C16orf89: variants seen among roughly 807,000 people sequenced by gnomAD.
The protein encoded by C16orf89 is chromosome 16 open reading frame 89.
In C16orf89, 57 loss-of-function variants were observed where a neutral mutation model predicts 41.5. That is an observed-to-expected ratio of 1.38 (90% confidence interval 1.11 to 1.71). The LOEUF is 1.71. Ranked by LOEUF, C16orf89 falls within the 40% of genes most tolerant of loss-of-function variation. C16orf89 has a pLI of 0.00. For missense variants in C16orf89, 575 were observed against 445.9 expected (o/e 1.29, Z -2.61); for synonymous variants, 223 against 190.6 (o/e 1.17, Z -1.40).
In C16orf89 at chr16:5,060,348, C is replaced by T. The variant is rs112519836; in HGVS notation, c.447G>A (p.Gly149=). Residue 149 remains glycine (G), a synonymous_variant, in exon 3 of 8, where the codon GGG becomes GGA. Coordinates refer to ENST00000472572, the MANE Select transcript of C16orf89 (RefSeq NM_001098514.3). The part of the protein sequence containing the change: ...TDASLVYPTF[G]PQDSFSEERS... ...TCTCCTCTGAGAATGAGTCCTGGGG[C>T]CCGAACGTGGGGTACACCAAGGAGG... The T allele has an allele frequency of 1.1e-5, 17 of 1,613,580 alleles. No individual in the cohort carries two copies. In the African/African-American group the frequency reaches 1.3e-4, roughly 13 times the overall value.
chr16:5,055,188 C>T (rs1431822980), intron 6 of C16orf89, 58 bp downstream of exon 6: 7 of 1,437,006 alleles, frequency 4.9e-6, no homozygotes, highest in Non-Finnish European at 6.7e-6. Context: ...CCTAGAAACT[C>T]AGAGCCACCC....
intron 7 of C16orf89, among the ~76,000 whole-genome samples, chr16:5,047,595 G>A (rs976601204): frequency 6.6e-6 from 1 of 151,946 alleles, no homozygotes. Flanking sequence ...AGACTCCCGA[G>A]TAACTGGGAC....
intron 6 of C16orf89, among the ~76,000 whole-genome samples, chr16:5,054,469 C>T (rs936401724): frequency 6.6e-6 from 1 of 152,204 alleles, no homozygotes; most frequent in African/African-American, 2.4e-5. Flanking sequence ...CTTCCTCACC[C>T]TGTCGTCTCC....
chr16:5,053,666 C>G (rs920557776), intron 6 of C16orf89, among the ~76,000 whole-genome samples: 1 of 151,894 alleles, frequency 6.6e-6, no homozygotes, highest in Non-Finnish European at 1.5e-5. Context: ...ACCTCATTCT[C>G]CCAAGTAGCC....
chr16:5,054,787 C>A (rs555249256), intron 6 of C16orf89, among the ~76,000 whole-genome samples: 10 of 152,186 alleles, frequency 6.6e-5, no homozygotes, highest in Non-Finnish European at 1.5e-4. Flanking sequence ...TCTCACAGAT[C>A]TGATGGTTTT....
chr16:5,059,688 G>C (rs897107753), intron 3 of C16orf89, among the ~76,000 whole-genome samples: 13 of 152,080 alleles, frequency 8.5e-5, no homozygotes, highest in African/African-American at 3.1e-4. Flanking sequence ...AAAATGAGGA[G>C]CCCAGCTAGG....
chr16:5,059,659 G>A (rs1956576170), intron 3 of C16orf89, among the ~76,000 whole-genome samples: 1 of 152,082 alleles, frequency 6.6e-6, no homozygotes, highest in African/African-American at 2.4e-5. Context: ...CTTGTTCCAA[G>A]CCCACCAAAC....
In C16orf89 at chr16:5,062,485, C is replaced by T. The variant is rs757496195; in HGVS notation, c.298G>A (p.Glu100Lys). Residue 100 changes from glutamate to lysine, a missense_variant, in exon 2 of 8, where the codon GAG (glutamate) becomes AAG (lysine). Physicochemically the swap from Glu to Lys is moderately conservative, Grantham distance 56 (BLOSUM62 1). Transcript: ENST00000472572. ...TGGAGGGATCTCTGGATGGCAGCCT[C>T]CAGCTTCTCCCCCAGCATCCCCACG... ...LRVGMLGEKL[E>K]AAIQRSLHYL... is the part of the protein sequence containing the mutation. 7 of 1,613,956 alleles carry T rather than the reference C, an allele frequency of 4.3e-6. No individual in the cohort carries two copies. The African/African-American group carries it at 8.0e-5, about 18-fold the overall frequency.
intron 4 of C16orf89, among the ~76,000 whole-genome samples, chr16:5,057,330 G>GTA (rs907932649): frequency 1.4e-5 from 2 of 145,440 alleles, no homozygotes; most frequent in African/African-American, 5.0e-5. Context: ...ACATAGTGGT[G>GTA]TATATATATA....
chr16:5,055,446 C>T, intron 5 of C16orf89, 96 bp from the exon 6 acceptor site: 2 of 1,202,804 alleles, frequency 1.7e-6, no homozygotes, highest in Non-Finnish European at 2.4e-6. Context: ...CCTTCATCTG[C>T]CTGGGTTAGG....
chr16:5,061,883 T>C (rs1159492365), intron 2 of C16orf89, among the ~76,000 whole-genome samples: 3 of 152,048 alleles, frequency 2.0e-5, no homozygotes, highest in African/African-American at 7.2e-5. Flanking sequence ...TCAGCCAAAC[T>C]TATTAGATGG....
chr16:5,052,126 A>C (rs1176929618), intron 6 of C16orf89, among the ~76,000 whole-genome samples: 1 of 150,988 alleles, frequency 6.6e-6, no homozygotes, highest in Admixed American at 6.6e-5. Flanking sequence ...AAAAAGAAGG[A>C]AAAAGAAAAG....
rs773371565 is a variant in C16orf89, at chr16:5,058,469, G to A, written c.627+24C>T. The A allele has an allele frequency of 3.8e-6, 6 of 1,559,496 alleles. No individual in the cohort carries two copies. In the East Asian group the frequency reaches 6.8e-5, roughly 18 times the overall value. ...TTTTTCCTTCCCCTTCCCCTGGCAC[G>A]GCGGGGGCTCCCTGGGCACTCACCA... On this transcript the variant is annotated intron_variant, in intron 4 of 7. Coordinates refer to ENST00000472572, the MANE Select transcript of C16orf89 (RefSeq NM_001098514.3).
intron 2 of C16orf89, among the ~76,000 whole-genome samples, 195 bp from the exon 3 acceptor site, chr16:5,060,631 C>T (rs1008409342): frequency 5.3e-5 from 8 of 152,038 alleles, no homozygotes; most frequent in Non-Finnish European, 8.8e-5. Context: ...ACCATTTTTT[C>T]CCCTAATCAA....
intron 2 of C16orf89, among the ~76,000 whole-genome samples, chr16:5,061,099 A>G (rs145594852): frequency 0.01 from 1,554 of 151,300 alleles, 27 homozygotes; most frequent in African/African-American, 0.035. Flanking sequence ...CATCTCTACT[A>G]AAAATACAAA....
chr16:5,045,387 G>T (rs1191797121), intron 7 of C16orf89, among the ~76,000 whole-genome samples: 1 of 152,206 alleles, frequency 6.6e-6, no homozygotes, highest in Non-Finnish European at 1.5e-5. Context: ...CTGAGCACTT[G>T]CCTGAGATAA....
chr16:5,064,430 G>A (rs374002024), intron 1 of C16orf89, among the ~76,000 whole-genome samples: 7 of 152,316 alleles, frequency 4.6e-5, no homozygotes, highest in African/African-American at 1.7e-4. Flanking sequence ...CTGGTAAGAT[G>A]ACATATACAC....
intron 6 of C16orf89, among the ~76,000 whole-genome samples, chr16:5,051,274 A>G (rs1005793759): frequency 4.6e-5 from 7 of 152,234 alleles, no homozygotes; most frequent in East Asian, 3.8e-4. Flanking sequence ...ACCTGTTTGC[A>G]GATGACATGA....
At chr16:5,064,212 C>T (rs563828824) in intron 1 of C16orf89, among the ~76,000 whole-genome samples, 7 of 152,298 alleles carry the variant, frequency 4.6e-5, no homozygotes, top group African/African-American at 1.7e-4. Flanking sequence ...AAACCCTCCC[C>T]TCCACCTCAG....
Sources: allele counts gnomAD v4.1 joint callset (sites outside exome capture counted in the v4.1 genomes callset), GRCh38; gene constraint gnomAD v4.1.1; transcripts MANE v1.5; gene names NCBI Gene and HGNC (gene_info 2026-07-23, HGNC 2026-07-21).